Variants in DAB1 observed in about 807,000 individuals in gnomAD.
DAB1 encodes the protein disabled homolog 1.
DAB1 carries 15 observed loss-of-function variants against 64.6 expected under a neutral mutation model. The ratio of observed to expected loss-of-function variants is 0.23; its 90% CI spans 0.16 to 0.36. The LOEUF is 0.36. DAB1 is among the 10% of genes least tolerant of loss of function. The pLI is 1.00. For missense variants in DAB1, 596 were observed against 706.7 expected (o/e 0.84, Z 1.78); for synonymous variants, 235 against 251.9 (o/e 0.93, Z 0.64).
At chr1:58,212,707 G>T (rs1014781061) in intron 4 of DAB1, among the ~76,000 whole-genome samples, 1 of 152,052 alleles carries the variant, frequency 6.6e-6, no homozygotes, top group Non-Finnish European at 1.5e-5. Context: ...AGCACTTCAA[G>T]ACTTTTTATT....
At chr1:57,589,412 A>C (rs976455012) in intron 7 of DAB1, among the ~76,000 whole-genome samples, 1 of 152,216 alleles carries the variant, frequency 6.6e-6, no homozygotes, top group South Asian at 2.1e-4. Context: ...TATGTAAATG[A>C]TATATTTGAT....
intron 5 of DAB1, among the ~76,000 whole-genome samples, chr1:58,087,974 C>G (rs1289315734): frequency 6.6e-6 from 1 of 152,178 alleles, no homozygotes; most frequent in African/African-American, 2.4e-5. Flanking sequence ...CTGGGGAAGG[C>G]AACATACGGC....
At chr1:58,242,768 C>G (rs1660354921) in intron 4 of DAB1, among the ~76,000 whole-genome samples, 1 of 151,912 alleles carries the variant, frequency 6.6e-6, no homozygotes, top group Admixed American at 6.6e-5. Flanking sequence ...ACTATTGGAT[C>G]TGGGGGATAG....
chr1:57,516,375 T>G (rs1411045579), intron 7 of DAB1, among the ~76,000 whole-genome samples: 1 of 152,148 alleles, frequency 6.6e-6, no homozygotes, highest in African/African-American at 2.4e-5. Context: ...ACAGAAGATA[T>G]GATGAAGACA....
At chr1:57,140,263 G>A (rs971271156) in intron 3 of DAB1, among the ~76,000 whole-genome samples, 2 of 152,122 alleles carry the variant, frequency 1.3e-5, no homozygotes, top group African/African-American at 4.8e-5. Context: ...GGGTGCCTAT[G>A]CTAGAGGTTC....
At chr1:57,321,042 A>G (rs963245932) in intron 1 of DAB1, among the ~76,000 whole-genome samples, 10 of 152,174 alleles carry the variant, frequency 6.6e-5, no homozygotes. Context: ...AAATGCATTA[A>G]TTTTACAGAT....
intron 5 of DAB1, among the ~76,000 whole-genome samples, chr1:58,044,705 T>A (rs1647201208): frequency 6.6e-6 from 1 of 152,176 alleles, no homozygotes; most frequent in Non-Finnish European, 1.5e-5. Flanking sequence ...ACGTACTAAC[T>A]CAGTCTTACC....
chr1:58,105,157 T>C (rs938961443), intron 5 of DAB1, among the ~76,000 whole-genome samples: 5 of 152,384 alleles, frequency 3.3e-5, no homozygotes, highest in African/African-American at 1.2e-4. Context: ...CTGCAAAAGA[T>C]GGCTGCTGAA....
chr1:58,082,677 A>G (rs1650068715), intron 5 of DAB1, among the ~76,000 whole-genome samples: 1 of 152,064 alleles, frequency 6.6e-6, no homozygotes, highest in African/African-American at 2.4e-5. Context: ...GGAGATCGTC[A>G]AAGGAAAAAG....
At chr1:57,220,014 A>G (rs1457426705) in intron 2 of DAB1, among the ~76,000 whole-genome samples, 2 of 152,204 alleles carry the variant, frequency 1.3e-5, no homozygotes, top group African/African-American at 4.8e-5. Flanking sequence ...TTAGACTACA[A>G]GCTTCTTGAG....
At chr1:58,167,930 G>A (rs1570439744) in intron 4 of DAB1, among the ~76,000 whole-genome samples, 1 of 152,184 alleles carries the variant, frequency 6.6e-6, no homozygotes, top group South Asian at 2.1e-4. Flanking sequence ...CACTGTGAGG[G>A]TCCACAGCTT....
At chr1:58,011,102 T>A in intron 5 of DAB1, among the ~76,000 whole-genome samples, 1 of 152,214 alleles carries the variant, frequency 6.6e-6, no homozygotes, top group East Asian at 1.9e-4. Flanking sequence ...ATATTTAGCA[T>A]GACAACCACC....
chr1:57,714,048 G>C (rs1000969579), intron 6 of DAB1, among the ~76,000 whole-genome samples: 5 of 152,122 alleles, frequency 3.3e-5, no homozygotes, highest in Admixed American at 6.6e-5. Flanking sequence ...CCAGCCCTCA[G>C]AGAACTCTCA....
chr1:57,319,839 A>C (rs925230970), intron 1 of DAB1, among the ~76,000 whole-genome samples: 8 of 152,094 alleles, frequency 5.3e-5, no homozygotes, highest in African/African-American at 1.7e-4. Flanking sequence ...GAGATAAGTA[A>C]GGAAACCTCT....
chr1:57,202,604 T>G (rs890652887), intron 2 of DAB1, among the ~76,000 whole-genome samples: 3 of 152,196 alleles, frequency 2.0e-5, no homozygotes, highest in African/African-American at 7.2e-5. Context: ...AATTCTGAAC[T>G]GTAGGCTTCG....
intron 5 of DAB1, among the ~76,000 whole-genome samples, chr1:58,003,860 G>C (rs1004528863): frequency 2.0e-5 from 3 of 152,202 alleles, no homozygotes; most frequent in African/African-American, 7.2e-5. Flanking sequence ...GCTCTGCCTG[G>C]TTCTAAGTCC....
intron 4 of DAB1, among the ~76,000 whole-genome samples, chr1:58,204,128 C>G (rs969950182): frequency 6.6e-6 from 1 of 152,146 alleles, no homozygotes; most frequent in Non-Finnish European, 1.5e-5. Flanking sequence ...ATCATTTGAT[C>G]ACACCTATAT....
chr1:58,264,827 T>C (rs1395455664), intron 4 of DAB1, among the ~76,000 whole-genome samples: 1 of 152,230 alleles, frequency 6.6e-6, no homozygotes, highest in Admixed American at 6.5e-5. Flanking sequence ...CCACCTCTAT[T>C]CTAATTCTAT....
At chr1:57,364,842 G>T (rs1679838746) in intron 1 of DAB1, among the ~76,000 whole-genome samples, 2 of 148,082 alleles carry the variant, frequency 1.4e-5, no homozygotes, top group South Asian at 4.2e-4. Context: ...ATTGTTTAGG[G>T]ATATATATAT....
Sources: gnomAD v4.1 joint callset for allele counts (sites outside exome capture counted in the v4.1 genomes callset) on GRCh38, gnomAD v4.1.1 for gene constraint, MANE v1.5 for transcripts, NCBI Gene and HGNC (gene_info 2026-07-23, HGNC 2026-07-21) for gene names.